SMG1: variants seen among roughly 807,000 people sequenced by gnomAD.
SMG1 encodes the protein SMG1 nonsense mediated mRNA decay associated PI3K related kinase, also known as serine/threonine-protein kinase SMG1.
SMG1 carries 22 observed loss-of-function variants against 419.9 expected under a neutral mutation model. The ratio of observed to expected loss-of-function variants is 0.05; its 90% confidence interval spans 0.04 to 0.07. The LOEUF (loss-of-function observed/expected upper bound fraction) is 0.07. Ranked by LOEUF, SMG1 falls within the 10% of genes least tolerant of loss-of-function variation. The pLI, the probability that SMG1 is intolerant of heterozygous loss-of-function variation, is 1.00. For missense variants in SMG1, 3,185 were observed against 4,342.0 expected, an observed-to-expected ratio of 0.73 and a Z score of 7.49; for synonymous variants, 1,538 against 1,553.5, an observed-to-expected ratio of 0.99 and a Z score of 0.23.
chr16:18,865,182 G>A (rs891297935), intron 23 of SMG1, among the ~76,000 whole-genome samples: 1 of 152,168 alleles, frequency 6.6e-6, no homozygotes. Context: ...GAAAAATTGA[G>A]AGGCCACGAA....
intron 1 of SMG1, among the ~76,000 whole-genome samples, chr16:18,897,893 C>T (rs188012415): frequency 8.2e-4 from 122 of 148,848 alleles, no homozygotes; most frequent in Middle Eastern, 3.4e-3. Context: ...AGAGGAACAA[C>T]TTTGAGAAAA....
At chr16:18,904,630 C>G (rs561726072) in intron 1 of SMG1, among the ~76,000 whole-genome samples, 8 of 148,716 alleles carry the variant, frequency 5.4e-5, no homozygotes, top group Admixed American at 6.7e-5. Context: ...GAGCAAGACT[C>G]TGTCTCAAAA....
intron 23 of SMG1, among the ~76,000 whole-genome samples, chr16:18,865,819 CA>C (rs2035471082): frequency 6.6e-6 from 1 of 152,020 alleles, no homozygotes; most frequent in South Asian, 2.1e-4. Flanking sequence ...TGTGCCACCA[CA>C]CCTCGCTAAT....
chr16:18,876,086 C>A, intron 13 of SMG1, 38 bp downstream of exon 13: 1 of 1,606,320 alleles, frequency 6.2e-7, no homozygotes, highest in East Asian at 2.2e-5. Flanking sequence ...AAAGGCTTAA[C>A]TGTGGATAAA....
intron 1 of SMG1, among the ~76,000 whole-genome samples, chr16:18,916,294 T>C (rs2037974671): frequency 6.6e-6 from 1 of 151,340 alleles, no homozygotes; most frequent in Admixed American, 6.6e-5. Context: ...GGTGGGCGGA[T>C]CACGAGGTCA....
chr16:18,832,513 T>G (rs555069556), intron 51 of SMG1, among the ~76,000 whole-genome samples: 20 of 152,302 alleles, frequency 1.3e-4, no homozygotes, highest in Admixed American at 9.8e-4. Flanking sequence ...TTCGACTGTG[T>G]GTATGTACAT....
At chr16:18,896,350 G>A in intron 2 of SMG1, 143 bp from the exon 3 acceptor site, 2 of 723,536 alleles carry the variant, frequency 2.8e-6, no homozygotes, top group Non-Finnish European at 4.9e-6. Flanking sequence ...TGTCTGCCTT[G>A]AAAATCATTT....
At chr16:18,862,749 G>C (rs1408906435) in intron 25 of SMG1, among the ~76,000 whole-genome samples, 3 of 152,064 alleles carry the variant, frequency 2.0e-5, no homozygotes, top group Non-Finnish European at 2.9e-5. Flanking sequence ...AGTCTTACTA[G>C]AATAACAGCC....
At position 18,854,642 on chromosome 16, in the gene SMG1, T is replaced by C. The variant is rs868612239; in HGVS notation, c.4483+14A>G. On this transcript the variant is annotated intron_variant, in intron 30 of 62. Coordinates refer to ENST00000446231, the MANE Select transcript of SMG1 (RefSeq NM_015092.5). Reference sequence around the variant, plus strand: ...TATTATACTCATGTATTAACCATAATTAATTTTACTAACCTGCTGTATAAA... The same window carrying C: ...TATTATACTCATGTATTAACCATAACTAATTTTACTAACCTGCTGTATAAA... 3 of 1,607,216 alleles carry C rather than the reference T, an allele frequency of 1.9e-6. No homozygotes were observed. Among genetic ancestry groups the C allele is most frequent in the Middle Eastern group, 1.7e-4 (1 of 6,020 alleles).
chr16:18,899,899 GAA>G (rs1469486804), intron 1 of SMG1: 1 of 710,248 alleles, frequency 1.4e-6, no homozygotes, highest in Non-Finnish European at 2.5e-6. Context: ...GAAAAAAAAA[GAA>G]ATGCATAAAT....
intron 1 of SMG1, among the ~76,000 whole-genome samples, chr16:18,902,534 T>TA (rs1192203519): frequency 2.0e-5 from 3 of 151,948 alleles, no homozygotes; most frequent in East Asian, 3.9e-4. Flanking sequence ...AAACTGTCTC[T>TA]AAAAAATATA....
Position 18,809,632 on chromosome 16 carries a change from A to C in SMG1, c.10923T>G (p.Ile3641Met), listed in dbSNP as rs949633103. 6.2e-7 allele frequency: 1 copy of C among 1,605,866 alleles called. No individual in the cohort carries two copies. The highest frequency in any genetic ancestry group is 8.5e-7 in the Non-Finnish European group (1 of 1,175,822). ...MSVAEQVDYV[I>M]KEATNLDNLA... ...AGTTATCTAGATTAGTTGCTTCCTT[A>C]ATGACATAGTCAACCTGTAAAAATA... Residue 3641 changes from isoleucine (I) to methionine (M), a missense_variant, in exon 63 of 63, where the codon ATT (isoleucine) becomes ATG (methionine). By Grantham distance (10) the Ile-to-Met change is conservative. Around this residue, in one of 27 missense-constraint regions of SMG1, gnomAD observed 41 missense variants for 78.7 expected, o/e 0.52. Transcript: ENST00000446231.
rs1455605318 is a variant in SMG1, at chr16:18,872,543, G to A, written c.1972C>T (p.Pro658Ser). 5 of 1,527,366 alleles carry A rather than the reference G, an allele frequency of 3.3e-6. No homozygotes were observed. The highest frequency in any genetic ancestry group is 4.4e-6 in the Non-Finnish European group (5 of 1,139,196). 94.6% of individuals were successfully genotyped at this position (1,527,366 alleles called of 1,614,324 possible). ...TAGAGCACAGCATACTGAATGGCAG[G>A]GAAGTGAACAGCCAGGTCACTGTGC... ...IVHSDLAVHF[P>S]AIQYAVLYTL... Residue 658 changes from proline to serine, a missense_variant, in exon 14 of 63, where the codon CCT (proline) becomes TCT (serine). By Grantham distance (74) the Pro-to-Ser change is moderately conservative. Transcript: ENST00000446231.
In SMG1 at chr16:18,871,418, G is replaced by C; in HGVS notation, c.2248C>G (p.Pro750Ala). 6.2e-7 allele frequency: 1 copy of C among 1,603,572 alleles called. No homozygotes were observed. Among genetic ancestry groups the C allele is most frequent in the African/African-American group, 1.3e-5 (1 of 74,298 alleles). Residue 750 changes from proline (P) to alanine (A), a missense_variant, in exon 16 of 63, where the codon CCT becomes GCT. By Grantham distance (27) the Pro-to-Ala change is conservative (BLOSUM62 -1). Around this residue, in one of 27 missense-constraint regions of SMG1, gnomAD observed 297 missense variants for 491.0 expected, o/e 0.60. Transcript: ENST00000446231. ...VLMKKSETYA[P>A]LFSLPSFHKF... ...TGGAAAGACGGAAGAGAGAATAAAG[G>C]TGCGTATGTTTCAGACTTCTTCATT...
chr16:18,820,971 A>G (rs933720376), intron 55 of SMG1, among the ~76,000 whole-genome samples: 3 of 152,236 alleles, frequency 2.0e-5, no homozygotes, highest in African/African-American at 7.2e-5. Flanking sequence ...CATAGCTTTC[A>G]ATATCCAGTC....
intron 60 of SMG1, 38 bp downstream of exon 60, chr16:18,815,136 AC>A (rs778329245): frequency 7.9e-7 from 1 of 1,263,232 alleles, no homozygotes; most frequent in East Asian, 2.5e-5. Flanking sequence ...TCTATGTGTA[AC>A]ATTAACAACA....
At chr16:18,854,062 T>C (rs1321524806) in intron 30 of SMG1, among the ~76,000 whole-genome samples, 195 bp from the exon 31 acceptor site, 1 of 148,236 alleles carries the variant, frequency 6.7e-6, no homozygotes, top group African/African-American at 2.5e-5. Flanking sequence ...TGAGCCACTA[T>C]GCCTAGCCAA....
Position 18,901,443 on chromosome 16 carries a change from G to C in SMG1, c.93-4487C>G, listed in dbSNP as rs1371946064. On this transcript the variant is annotated intron_variant, in intron 1 of 62. Transcript: ENST00000446231. ...TGCTCAGGCTGCTCTCAATTTCCTG[G>C]ACTCAAGCAATCCTCCCACCTCAGC... is the stretch of plus-strand genomic sequence containing the variant. 3.3e-5 allele frequency among the ~76,000 whole-genome samples: 5 copies of C among 152,040 alleles called. No homozygotes were observed. The East Asian group carries it at 9.6e-4, about 29-fold the overall frequency.
chr16:18,812,256 T>C (rs909453077), intron 60 of SMG1, 129 bp from the exon 61 acceptor site: 10 of 846,678 alleles, frequency 1.2e-5, no homozygotes, highest in South Asian at 2.0e-5. Flanking sequence ...ATCCTTATCC[T>C]TGGACACAGC....
Sources: gnomAD v4.1 joint callset for allele counts (sites outside exome capture counted in the v4.1 genomes callset) on GRCh38, gnomAD v4.1.1 for gene constraint, gnomAD v4.1.1 regional missense constraint, MANE v1.5 for transcripts, NCBI Gene and HGNC (gene_info 2026-07-23, HGNC 2026-07-21) for gene names.